Variants in GDF3 observed in about 807,000 individuals in gnomAD.
GDF3 encodes growth differentiation factor 3.
GDF3 carries 10 observed loss-of-function variants against 10.2 expected under a neutral mutation model. The observed-to-expected ratio is 0.98, with a 90% CI of 0.60 to 1.66. The LOEUF (loss-of-function observed/expected upper bound fraction) is 1.66, where lower values mean the gene tolerates loss of function less well. GDF3 is among the 40% of genes most tolerant of loss of function. The pLI is 0.00. For synonymous variants in GDF3, 166 were observed against 178.5 expected, an observed-to-expected ratio of 0.93 and a Z score of 0.56; for missense variants, 450 against 438.3, an observed-to-expected ratio of 1.03 and a Z score of -0.24.
intron 1 of GDF3, among the ~76,000 whole-genome samples, chr12:7,692,877 A>C (rs1355887553): frequency 2.6e-5 from 4 of 151,834 alleles, no homozygotes; most frequent in Non-Finnish European, 5.9e-5. Flanking sequence ...TCCTGAGCTC[A>C]AAGGATCCTC....
chr12:7,691,985 C>T (rs1046544826), intron 1 of GDF3, among the ~76,000 whole-genome samples: 6 of 148,844 alleles, frequency 4.0e-5, no homozygotes, highest in Admixed American at 3.4e-4. Flanking sequence ...CCAGCCTGGG[C>T]GACAGAGCAA....
In GDF3 at chr12:7,690,621, C is replaced by G; in HGVS notation, c.352G>C (p.Glu118Gln). ...LLYFNLSAIKEREQLTLAQLG... is the reference protein window; with the variant it reads ...LLYFNLSAIKQREQLTLAQLG... ...TGGGCCAATGTCAACTGTTCCCTTT[C>G]TTTGATGGCAGACAGGTTAAAGTAG... Residue 118 changes from glutamate to glutamine, a missense_variant, in exon 2 of 2, where the codon GAA (glutamate) becomes CAA (glutamine). Glu to Gln is a conservative substitution (Grantham distance 29). Transcript: ENST00000329913. 1 of 1,608,848 alleles carries G rather than the reference C, an allele frequency of 6.2e-7. No individual in the cohort carries two copies. Among genetic ancestry groups the G allele is most frequent in the Non-Finnish European group, 8.5e-7 (1 of 1,178,460 alleles).
chr12:7,693,558 A>T (rs1237395115), intron 1 of GDF3, among the ~76,000 whole-genome samples: 1 of 150,900 alleles, frequency 6.6e-6, no homozygotes, highest in Non-Finnish European at 1.5e-5. Flanking sequence ...GTATTTTCTG[A>T]GGTCATTCAG....
Position 7,690,199 on chromosome 12 carries a change from A to G in GDF3, c.774T>C (p.Leu258=). 1 of 1,614,126 alleles carries G rather than the reference A, an allele frequency of 6.2e-7. No homozygotes were observed. The highest frequency in any genetic ancestry group is 1.1e-5 in the South Asian group (1 of 91,078). The change falls in exon 2 of 2, where the codon CTT becomes CTC. Residue 258 remains leucine (L), a synonymous_variant. Coordinates refer to ENST00000329913, the MANE Select transcript of GDF3 (RefSeq NM_020634.3). The part of the protein sequence containing the change: ...KRRAAIPVPK[L]SCKNLCHRHQ... The stretch of plus-strand genomic sequence containing the variant: ...GACGGTGGCAGAGGTTCTTACAAGA[A>G]AGCTTGGGGACAGGGATGGCTGCTC...
At position 7,694,612 on chromosome 12, in the gene GDF3, C is replaced by T. The variant is rs1173342556; in HGVS notation, c.268+849G>A. On this transcript the variant is annotated intron_variant, in intron 1 of 1. Transcript: ENST00000329913. ...AAAAAGGCAAACTTTATCTTGTATT[C>T]TCAAGGCCATACACAGTTCCTGGCT... Among the ~76,000 whole-genome samples the T allele has an allele frequency of 3.4e-5, 5 of 147,198 alleles. No individual in the cohort carries two copies. The South Asian group carries it at 8.7e-4, about 26-fold the overall frequency.
chr12:7,693,792 T>A (rs1864156008), intron 1 of GDF3, among the ~76,000 whole-genome samples: 1 of 151,520 alleles, frequency 6.6e-6, no homozygotes, highest in Non-Finnish European at 1.5e-5. Context: ...AGTACAAAAA[T>A]CAGCCTGGCG....
chr12:7,695,296 T>C (rs1322869183), intron 1 of GDF3, among the ~76,000 whole-genome samples, 165 bp downstream of exon 1: 1 of 152,222 alleles, frequency 6.6e-6, no homozygotes, highest in East Asian at 1.9e-4. Context: ...AGGAACTTGA[T>C]AAGAATATCT....
chr12:7,695,431 G>A, intron 1 of GDF3, 30 bp downstream of exon 1: 1 of 1,603,642 alleles, frequency 6.2e-7, no homozygotes, highest in Non-Finnish European at 8.5e-7. Context: ...AGTTCCAGAT[G>A]TTTTTCTGGA....
chr12:7,689,845 A>G lies in GDF3; in HGVS notation c.*33T>C. 1 of 1,378,396 alleles carries G rather than the reference A, an allele frequency of 7.3e-7. No individual in the cohort carries two copies. Among genetic ancestry groups the G allele is most frequent in the Non-Finnish European group, 1.0e-6 (1 of 965,560 alleles). 85.4% of individuals were successfully genotyped at this position (1,378,396 alleles called of 1,614,324 possible). A position where few individuals can be genotyped will look rare whatever the true frequency, so the allele number is the denominator to read the frequency against. On this transcript the variant is annotated 3_prime_UTR_variant, in exon 2 of 2. Coordinates refer to ENST00000329913, the MANE Select transcript of GDF3 (RefSeq NM_020634.3). ...GTAGTTTTATTAAAAGATTTACCCTAAGAACACTCCTTCTATTCCCATTTC... is the reference window on the plus strand; with the variant it reads ...GTAGTTTTATTAAAAGATTTACCCTGAGAACACTCCTTCTATTCCCATTTC...
intron 1 of GDF3, among the ~76,000 whole-genome samples, chr12:7,694,310 C>T (rs775882460): frequency 5.3e-5 from 8 of 152,090 alleles, no homozygotes; most frequent in Non-Finnish European, 8.8e-5. Flanking sequence ...GGCCTGTAAT[C>T]CCAGCAGTTT....
At position 7,695,467 on chromosome 12, in the gene GDF3, C is replaced by A; in HGVS notation, c.262G>T (p.Asp88Tyr). The A allele has an allele frequency of 6.2e-7, 1 of 1,614,032 alleles. No individual in the cohort carries two copies. Among genetic ancestry groups the A allele is most frequent in the East Asian group, 2.2e-5 (1 of 44,880 alleles). Residue 88 changes from aspartate to tyrosine, a missense_variant, in exon 1 of 2, where the codon GAC (aspartate) becomes TAC (tyrosine). Coordinates refer to ENST00000329913, the MANE Select transcript of GDF3 (RefSeq NM_020634.3). ...TAACACTCTATTTCCTTACCTTGGT[C>A]TGGGAGAAAGCGAAGTACATTCCCG... ...VRGNVLRFLP[D>Y]QGFFLYPKKI...
chr12:7,690,821 C>G, intron 1 of GDF3, 117 bp from the exon 2 acceptor site: 1 of 687,750 alleles, frequency 1.5e-6, no homozygotes, highest in Non-Finnish European at 2.6e-6. Flanking sequence ...AAGACACAAG[C>G]CCTGTCATTT....
In GDF3 at chr12:7,695,509, T is replaced by C; in HGVS notation, c.220A>G (p.Lys74Glu). 1 of 1,614,090 alleles carries C rather than the reference T, an allele frequency of 6.2e-7. No homozygotes were observed. Among genetic ancestry groups the C allele is most frequent in the East Asian group, 2.2e-5 (1 of 44,882 alleles). Reference protein sequence around the residue: ...TGVSRDLCYVKELGVRGNVLR... With the variant: ...TGVSRDLCYVEELGVRGNVLR... Reference sequence around the variant, plus strand: ...ACATTCCCGCGGACGCCCAGCTCCTTTACGTAGCATAAGTCTCGGGAGACC... The same window carrying C: ...ACATTCCCGCGGACGCCCAGCTCCTCTACGTAGCATAAGTCTCGGGAGACC... Residue 74 changes from lysine to glutamate, a missense_variant, in exon 1 of 2, where the codon AAG becomes GAG. Lys to Glu is a moderately conservative substitution (Grantham distance 56, BLOSUM62 1). Transcript: ENST00000329913.
In GDF3 at chr12:7,690,545, A is replaced by C. The variant is rs1236700210; in HGVS notation, c.428T>G (p.Leu143Arg). Residue 143 changes from leucine (L) to arginine (R), a missense_variant, in exon 2 of 2, where the codon CTG (leucine) becomes CGG (arginine). Transcript: ENST00000329913. ...PNSYYNLGPE[L>R]ELALFLVQEP... ...CTGAACCAGGAACAGAGCCAGTTCC[A>C]GCTCTGGTCCCAGGTTATAGTAAGA... 6.2e-7 allele frequency: 1 copy of C among 1,609,384 alleles called. No homozygotes were observed. Among genetic ancestry groups the C allele is most frequent in the Non-Finnish European group, 8.5e-7 (1 of 1,177,022 alleles).
Position 7,695,713 on chromosome 12 carries a change from G to C in GDF3, c.16C>G (p.Pro6Ala). ...AACAGGAAGCTGAAAGCCAAATCTG[G>C]CAAGAAACGAAGCATGGCCTCTGGA... MLRFL[P>A]DLAFSFLLIL... The change falls in exon 1 of 2, where the codon CCA becomes GCA. Residue 6 changes from proline to alanine, a missense_variant. Transcript: ENST00000329913. The C allele has an allele frequency of 1.2e-6, 2 of 1,614,138 alleles. No individual in the cohort carries two copies. Among genetic ancestry groups the C allele is most frequent in the South Asian group, 2.2e-5 (2 of 91,072 alleles).
chr12:7,690,209 A>T lies in GDF3; in HGVS notation c.764T>A (p.Val255Asp). ...PSRKRRAAIP[V>D]PKLSCKNLCH... ...GAGGTTCTTACAAGAAAGCTTGGGGACAGGGATGGCTGCTCTCCTTTTCCG... is the reference window on the plus strand; with the variant it reads ...GAGGTTCTTACAAGAAAGCTTGGGGTCAGGGATGGCTGCTCTCCTTTTCCG... Residue 255 changes from valine to aspartate, a missense_variant, in exon 2 of 2, where the codon GTC becomes GAC. Coordinates refer to ENST00000329913, the MANE Select transcript of GDF3 (RefSeq NM_020634.3). 1 of 1,614,120 alleles carries T rather than the reference A, an allele frequency of 6.2e-7. No individual in the cohort carries two copies. Among genetic ancestry groups the T allele is most frequent in the Non-Finnish European group, 8.5e-7 (1 of 1,180,018 alleles).
intron 1 of GDF3, among the ~76,000 whole-genome samples, chr12:7,691,737 G>A (rs1456978203): frequency 6.6e-6 from 1 of 151,984 alleles, no homozygotes; most frequent in Non-Finnish European, 1.5e-5. Context: ...GCCAGGCGTG[G>A]TGGCTCATGC....
chr12:7,690,343 T>C lies in GDF3; in HGVS notation c.630A>G (p.Arg210=). ...LFLEILVKED[R]DSGVNFQPED... ...CAGGCTGAAAATTCACCCCTGAGTC[T>C]CTATCTTCTTTGACCAGTATCTCCA... The change falls in exon 2 of 2, where the codon AGA becomes AGG. Residue 210 remains arginine (R), a synonymous_variant. Coordinates refer to ENST00000329913, the MANE Select transcript of GDF3 (RefSeq NM_020634.3). 1 of 1,614,082 alleles carries C rather than the reference T, an allele frequency of 6.2e-7. No homozygotes were observed. Among genetic ancestry groups the C allele is most frequent in the Non-Finnish European group, 8.5e-7 (1 of 1,179,956 alleles).
intron 1 of GDF3, among the ~76,000 whole-genome samples, chr12:7,693,375 T>TTTC (rs1864151510): frequency 1.4e-5 from 2 of 147,112 alleles, no homozygotes; most frequent in African/African-American, 5.0e-5. Context: ...TGGCTAATTT[T>TTTC]TTTTTTTTTT....
Sources: gnomAD v4.1 joint callset for allele counts (sites outside exome capture counted in the v4.1 genomes callset) on GRCh38, gnomAD v4.1.1 for gene constraint, MANE v1.5 for transcripts, NCBI Gene and HGNC (gene_info 2026-07-23, HGNC 2026-07-21) for gene names.